OR5D3: variants seen among roughly 807,000 people sequenced by gnomAD.
OR5D3 encodes olfactory receptor family 5 subfamily D member 3, also known as olfactory receptor 5D3.
the OR5D3 span, chr11:55,728,611 C>A: frequency 3.0e-3 from 462 of 152,162 alleles, 1 homozygote; most frequent in African/African-American, 0.011. Context: ...ATGAAGTCAA[C>A]CATGTGTTGA....
the OR5D3 span, chr11:55,726,184 T>C: frequency 9.5e-5 from 38 of 398,426 alleles, no homozygotes; most frequent in Non-Finnish European, 1.5e-4. Flanking sequence ...CTTCTACTTC[T>C]CTGGATCAAC....
the OR5D3 span, chr11:55,728,558 CT>C: frequency 2.6e-4 from 40 of 152,118 alleles, no homozygotes; most frequent in African/African-American, 8.4e-4. Flanking sequence ...ACATTTTCTC[CT>C]TGTGTCTTGC....
the OR5D3 span, chr11:55,727,677 A>C: frequency 3.3e-5 from 5 of 152,044 alleles, no homozygotes; most frequent in Admixed American, 2.6e-4. Context: ...TATACTTGGT[A>C]TTATAAATTA....
chr11:55,729,069 CAAAATA>C, the OR5D3 span: 1 of 151,444 alleles, frequency 6.6e-6, no homozygotes, highest in African/African-American at 2.4e-5. Context: ...TCTTTTAGTA[CAAAATA>C]AAAATCAAAG....
chr11:55,724,651 C>A, the OR5D3 span, among the ~76,000 whole-genome samples: 1 of 152,032 alleles, frequency 6.6e-6, no homozygotes, highest in Non-Finnish European at 1.5e-5. Flanking sequence ...ATCCAGTCTG[C>A]ACAATGCAGT....
At chr11:55,729,282 A>C in the OR5D3 span, 1 of 151,424 alleles carries the variant, frequency 6.6e-6, no homozygotes, top group Non-Finnish European at 1.5e-5. Flanking sequence ...TAATGGTCAT[A>C]TTAAGTGATA....
the OR5D3 span, among the ~76,000 whole-genome samples, chr11:55,725,025 G>A: frequency 4.6e-5 from 7 of 151,966 alleles, no homozygotes; most frequent in African/African-American, 1.7e-4. Context: ...GTGGGTTCAG[G>A]AAACTGATTC....
At chr11:55,726,256 T>A in the OR5D3 span, 1 of 403,874 alleles carries the variant, frequency 2.5e-6, no homozygotes, top group East Asian at 3.5e-5. Flanking sequence ...CTTCATCCTC[T>A]TGGGCTTCTC....
At chr11:55,724,631 G>A in the OR5D3 span, among the ~76,000 whole-genome samples, 15,482 of 152,048 alleles carry the variant, frequency 0.1, 955 homozygotes, top group African/African-American at 0.16. Context: ...GATCTAAGCA[G>A]TTTGGGAAAA....
At chr11:55,724,691 G>A in the OR5D3 span, among the ~76,000 whole-genome samples, 1 of 151,998 alleles carries the variant, frequency 6.6e-6, no homozygotes, top group African/African-American at 2.4e-5. Flanking sequence ...AAAAACATTT[G>A]GAATTGTTAA....
At chr11:55,726,259 G>C in the OR5D3 span, 1 of 404,198 alleles carries the variant, frequency 2.5e-6, no homozygotes. Flanking sequence ...CATCCTCTTG[G>C]GCTTCTCAGA....
At chr11:55,728,605 AG>A in the OR5D3 span, 1 of 152,094 alleles carries the variant, frequency 6.6e-6, no homozygotes, top group African/African-American at 2.4e-5. Flanking sequence ...CAGAATATGA[AG>A]TCAACCATGT....
chr11:55,727,710 T>C, the OR5D3 span: 1 of 152,142 alleles, frequency 6.6e-6, no homozygotes, highest in South Asian at 2.1e-4. Flanking sequence ...TGCATGATAA[T>C]AAGAAGATGG....
the OR5D3 span, chr11:55,726,707 C>T: frequency 5.0e-6 from 2 of 399,090 alleles, no homozygotes; most frequent in Non-Finnish European, 8.8e-6. Flanking sequence ...TTTCTGTTGA[C>T]TTTATCTTTT....
chr11:55,723,924 C>G, the OR5D3 span: 3 of 395,282 alleles, frequency 7.6e-6, no homozygotes, highest in Admixed American at 8.8e-5. Flanking sequence ...GAAATATACT[C>G]TCGACACTCC....
chr11:55,727,257 A>C, the OR5D3 span: 1 of 396,474 alleles, frequency 2.5e-6, no homozygotes, highest in African/African-American at 2.1e-5. Flanking sequence ...CTGACAGTAC[A>C]ATATCTATTC....
chr11:55,724,621 G>C, the OR5D3 span, among the ~76,000 whole-genome samples: 1 of 152,066 alleles, frequency 6.6e-6, no homozygotes, highest in South Asian at 2.1e-4. Context: ...TGAGTATCTA[G>C]ATCTAAGCAG....
chr11:55,728,493 G>A, the OR5D3 span: 28 of 152,124 alleles, frequency 1.8e-4, 2 homozygotes, highest in East Asian at 1.4e-3. Flanking sequence ...TCAAATAATT[G>A]AAATAATTTG....
chr11:55,729,010 C>T, the OR5D3 span: 1 of 151,854 alleles, frequency 6.6e-6, no homozygotes, highest in Non-Finnish European at 1.5e-5. Context: ...TTAGAATATA[C>T]TATTTTTAAA....
Sources: gnomAD v4.1 joint callset for allele counts (sites outside exome capture counted in the v4.1 genomes callset) on GRCh38, gnomAD v4.1.1 for gene constraint, MANE v1.5 for transcripts, NCBI Gene and HGNC (gene_info 2026-07-23, HGNC 2026-07-21) for gene names.